RASA3: variants seen among roughly 807,000 people sequenced by gnomAD.
RASA3 encodes the protein ras GTPase-activating protein 3.
In RASA3, 73 loss-of-function variants were observed where a neutral mutation model predicts 110.0. The observed-to-expected ratio is 0.66, with a 90% CI of 0.55 to 0.81. RASA3 has a LOEUF of 0.81. Among genes scored for constraint, RASA3 ranks in the 30% least tolerant of loss-of-function variants. RASA3 has a pLI of 0.00. For missense variants in RASA3, 976 were observed against 1,113.2 expected (o/e 0.88, Z 1.75); for synonymous variants, 500 against 451.4 (o/e 1.11, Z -1.37).
At chr13:114,102,183 C>T (rs1240101603) in intron 1 of RASA3, among the ~76,000 whole-genome samples, 4 of 152,234 alleles carry the variant, frequency 2.6e-5, no homozygotes, top group African/African-American at 9.6e-5. Context: ...AACAGAGAGA[C>T]GGGGGCTGTG....
At chr13:114,030,395 GCAAGACTCACGCAGAGA>G (rs1169276526) in intron 4 of RASA3, among the ~76,000 whole-genome samples, 2,747 of 73,844 alleles carry the variant, frequency 0.037, 55 homozygotes, top group Middle Eastern at 0.11. Flanking sequence ...CACACAGGAG[GCAAGACTCACGCAGAGA>G]GCAAGACTCA....
chr13:114,037,151 C>A (rs1043406181), intron 4 of RASA3, among the ~76,000 whole-genome samples: 1 of 152,190 alleles, frequency 6.6e-6, no homozygotes, highest in Non-Finnish European at 1.5e-5. Flanking sequence ...TGAGATTCCA[C>A]CAGCTGTGAG....
intron 15 of RASA3, 88 bp downstream of exon 15, chr13:114,013,054 C>A (rs1000681215): frequency 9.3e-7 from 1 of 1,074,296 alleles, no homozygotes; most frequent in Non-Finnish European, 1.4e-6. Flanking sequence ...TCCACACGGT[C>A]GGCCCCCTAC....
chr13:114,046,842 T>C (rs1296069233), intron 3 of RASA3, among the ~76,000 whole-genome samples: 3 of 152,198 alleles, frequency 2.0e-5, no homozygotes, highest in Non-Finnish European at 4.4e-5. Flanking sequence ...AAGGGTCGTC[T>C]TTCAGCCAAG....
chr13:114,064,390 A>G (rs989614093), intron 2 of RASA3, among the ~76,000 whole-genome samples: 8 of 152,026 alleles, frequency 5.3e-5, no homozygotes, highest in East Asian at 1.9e-4. Flanking sequence ...TTTCCCCCCT[A>G]TGCTGTTGTG....
At position 114,112,427 on chromosome 13, in the gene RASA3, A is replaced by G. The variant is rs1327444802; in HGVS notation, c.55+20008T>C. Among the ~76,000 whole-genome samples, 2 of 151,908 alleles carry G rather than the reference A, an allele frequency of 1.3e-5. No homozygotes were observed. The highest frequency in any genetic ancestry group is 2.9e-5 in the Non-Finnish European group (2 of 67,980). On this transcript the variant is annotated intron_variant, in intron 1 of 23. Transcript: ENST00000334062. This position sits in a 1 kb window ranked among gnomAD's most constrained non-coding sequence, Gnocchi z 4.8. Reference sequence around the variant, plus strand: ...TTTGGGAAGCTGGTCTGCTCCTGATACTCTGCAGGAAGAGAATCACACTCT... The same window carrying G: ...TTTGGGAAGCTGGTCTGCTCCTGATGCTCTGCAGGAAGAGAATCACACTCT...
At chr13:114,092,360 T>C (rs1247618662) in intron 1 of RASA3, among the ~76,000 whole-genome samples, 1 of 152,198 alleles carries the variant, frequency 6.6e-6, no homozygotes, top group African/African-American at 2.4e-5. Context: ...TGGTATGTTA[T>C]GTTTCCATTT....
intron 20 of RASA3, among the ~76,000 whole-genome samples, chr13:113,998,180 G>A (rs927739550): frequency 4.6e-5 from 7 of 152,174 alleles, no homozygotes; most frequent in South Asian, 2.1e-4. Flanking sequence ...TGCTTCCTTC[G>A]AGGGACGGTC....
intron 3 of RASA3, among the ~76,000 whole-genome samples, chr13:114,046,164 CCTG>C (rs2079049801): frequency 6.6e-6 from 1 of 152,174 alleles, no homozygotes; most frequent in African/African-American, 2.4e-5. Context: ...CAATGTAAGA[CCTG>C]CTATGAAGCT....
chr13:114,074,479 T>C (rs2079634052), intron 1 of RASA3, among the ~76,000 whole-genome samples: 1 of 152,244 alleles, frequency 6.6e-6, no homozygotes, highest in Admixed American at 6.5e-5. Context: ...TTGAATAACT[T>C]CCATGATGCA....
In RASA3 at chr13:114,026,735, G is replaced by A. The variant is rs527608648; in HGVS notation, c.603+654C>T. On this transcript the variant is annotated intron_variant, in intron 7 of 23. Transcript: ENST00000334062. ...CTCACATCTCCAGGGCCTGTGCACC[G>A]GAATGTTTGTGGATGGGAAGAACAT... 4.5e-4 allele frequency among the ~76,000 whole-genome samples: 69 copies of A among 152,332 alleles called. No individual in the cohort carries two copies. The South Asian group carries it at 4.6e-3, about 10-fold the overall frequency.
At chr13:114,045,568 G>A (rs1398053630) in intron 3 of RASA3, among the ~76,000 whole-genome samples, 1 of 151,820 alleles carries the variant, frequency 6.6e-6, no homozygotes, top group African/African-American at 2.4e-5. Flanking sequence ...GGGCCACGAG[G>A]AAAAAACAAA....
At chr13:113,980,874 T>G (rs571816296) in intron 23 of RASA3, among the ~76,000 whole-genome samples, 1 of 150,382 alleles carries the variant, frequency 6.6e-6, no homozygotes, top group Admixed American at 6.6e-5. Flanking sequence ...AGAAGAAGGG[T>G]GGAGGAGGAG....
intron 22 of RASA3, among the ~76,000 whole-genome samples, chr13:113,983,029 G>A (rs1426755008): frequency 2.6e-5 from 4 of 151,196 alleles, no homozygotes; most frequent in African/African-American, 7.3e-5. Context: ...ACTGAGAAGT[G>A]GCTGCTGCTG....
At chr13:114,069,344 G>A (rs2079513585) in intron 2 of RASA3, among the ~76,000 whole-genome samples, 1 of 151,142 alleles carries the variant, frequency 6.6e-6, no homozygotes, top group African/African-American at 2.4e-5. Flanking sequence ...ATGCAGACGT[G>A]GGCTTTTTTC....
intron 18 of RASA3, among the ~76,000 whole-genome samples, chr13:114,005,401 G>T (rs1480889350): frequency 6.6e-6 from 1 of 152,194 alleles, no homozygotes; most frequent in African/African-American, 2.4e-5. Context: ...AGGGACCTCT[G>T]GGTGGAGGTT....
chr13:114,132,303 C>G, intron 1 of RASA3, 132 bp downstream of exon 1: 1 of 999,740 alleles, frequency 1.0e-6, no homozygotes, highest in Non-Finnish European at 1.3e-6. Context: ...CAGCCGTTCT[C>G]CGGGGAGCGC....
At chr13:114,113,599 T>A (rs1220749417) in intron 1 of RASA3, among the ~76,000 whole-genome samples, 1 of 151,144 alleles carries the variant, frequency 6.6e-6, no homozygotes, top group Non-Finnish European at 1.5e-5. Context: ...TCACACCGCA[T>A]CCATCAATCC....
intron 12 of RASA3, among the ~76,000 whole-genome samples, chr13:114,016,907 C>T (rs535976987): frequency 2.0e-5 from 3 of 152,266 alleles, no homozygotes; most frequent in South Asian, 2.1e-4. Context: ...AAACATGCCA[C>T]GCAGCCAGGG....
Sources: allele counts gnomAD v4.1 joint callset (sites outside exome capture counted in the v4.1 genomes callset), GRCh38; gene constraint gnomAD v4.1.1; non-coding constraint Gnocchi (gnomAD v3.1); transcripts MANE v1.5; gene names NCBI Gene and HGNC (gene_info 2026-07-23, HGNC 2026-07-21).